Variants in DLGAP1 observed in about 807,000 individuals in gnomAD.
DLGAP1 encodes DLG associated protein 1.
DLGAP1 carries 11 observed loss-of-function variants against 90.8 expected under a neutral mutation model. That is an observed-to-expected ratio of 0.12 (90% CI 0.08 to 0.20). DLGAP1 has a LOEUF of 0.20. Ranked by LOEUF, DLGAP1 falls within the 10% of genes least tolerant of loss-of-function variation. DLGAP1 has a pLI of 1.00. For synonymous variants in DLGAP1, 558 were observed against 540.7 expected (o/e 1.03, Z -0.44); for missense variants, 1,050 against 1,333.8 (o/e 0.79, Z 3.31).
chr18:4,074,469 TA>T (rs967020069), intron 2 of DLGAP1, among the ~76,000 whole-genome samples: 13 of 152,122 alleles, frequency 8.5e-5, no homozygotes, highest in African/African-American at 3.1e-4. Flanking sequence ...AGATTTTCTG[TA>T]ATTTCAGCAT....
At chr18:4,427,872 A>T (rs572051813) in intron 1 of DLGAP1, among the ~76,000 whole-genome samples, 1 of 152,358 alleles carries the variant, frequency 6.6e-6, no homozygotes, top group South Asian at 2.1e-4. Context: ...AATAATGCTT[A>T]AAGTGACCTC....
intron 6 of DLGAP1, among the ~76,000 whole-genome samples, chr18:3,741,237 C>A (rs1235770401): frequency 2.4e-5 from 3 of 127,228 alleles, no homozygotes; most frequent in African/African-American, 6.4e-5. Context: ...ATCACCACCA[C>A]CACCATCACC....
rs114976049 is a variant in DLGAP1 at position 4,132,796 on chromosome 18, G to A, written c.-159+18384C>T. Among the ~76,000 whole-genome samples, 414 of 152,210 alleles carry A rather than the reference G, an allele frequency of 2.7e-3. 1 individual carries two copies. The highest frequency in any genetic ancestry group is 6.7e-3 in the African/African-American group (279 of 41,530). ...GGAATCAAGTAATTTCATTTGCTGC[G>A]TGCCATACATGTTGCTGGGTATTAC... On this transcript the variant is annotated intron_variant, in intron 2 of 12. Coordinates refer to ENST00000315677, the MANE Select transcript of DLGAP1 (RefSeq NM_004746.4).
intron 9 of DLGAP1, among the ~76,000 whole-genome samples, chr18:3,543,767 A>T (rs12970610): frequency 1.3e-5 from 2 of 152,004 alleles, no homozygotes; most frequent in Non-Finnish European, 1.5e-5. Context: ...GTTTCCAGGG[A>T]GTGGTCCCCA....
rs189974650 is a variant in DLGAP1, at chr18:3,749,751, T to C, written c.1173-7239A>G. Among the ~76,000 whole-genome samples, 332 of 152,300 alleles carry C rather than the reference T, an allele frequency of 2.2e-3. 2 individuals are homozygous for C. The highest frequency in any genetic ancestry group is 7.5e-3 in the African/African-American group (312 of 41,560). ...TTCCACAAGTACCAAAAAATTGTCA[T>C]GAACCCCAAATGAACACATACCTTT... On this transcript the variant is annotated intron_variant, in intron 5 of 12. Coordinates refer to ENST00000315677, the MANE Select transcript of DLGAP1 (RefSeq NM_004746.4).
At position 4,043,211 on chromosome 18, in the gene DLGAP1, G is replaced by T. The variant is rs77542822; in HGVS notation, c.-158-38010C>A. Among the ~76,000 whole-genome samples the T allele has an allele frequency of 7.3e-3, 1,111 of 152,216 alleles. 27 individuals carry two copies. In the East Asian group the frequency reaches 0.076, roughly 10 times the overall value. On this transcript the variant is annotated intron_variant, in intron 2 of 12. Coordinates refer to ENST00000315677, the MANE Select transcript of DLGAP1 (RefSeq NM_004746.4). Reference sequence around the variant, plus strand: ...AAATATAATTTCTATACTCAGTATAGGCAAAACAATCAAATTTAATTAACA... The same window carrying T: ...AAATATAATTTCTATACTCAGTATATGCAAAACAATCAAATTTAATTAACA...
At position 4,333,891 on chromosome 18, in the gene DLGAP1, C is replaced by T. The variant is rs527508365; in HGVS notation, c.-267+121115G>A. ...CCGGGACCACAGGCGTGAGCCACCG[C>T]GCCCGGCCATATTTTTAACTGAATG... is the stretch of plus-strand genomic sequence containing the variant. On this transcript the variant is annotated intron_variant, in intron 1 of 12. Transcript: ENST00000315677. Among the ~76,000 whole-genome samples the T allele has an allele frequency of 9.7e-4, 146 of 151,250 alleles. 3 individuals carry two copies. Among genetic ancestry groups the T allele is most frequent in the African/African-American group, 3.3e-3 (135 of 41,038 alleles).
At position 4,117,830 on chromosome 18, in the gene DLGAP1, C is replaced by T. The variant is rs534265071; in HGVS notation, c.-159+33350G>A. ...GCTTTCCTAGGAGTTGCCTCTGGGT[C>T]AGTTCAGCCAGCTGTGGTGAAGTTT... On this transcript the variant is annotated intron_variant, in intron 2 of 12. Coordinates refer to ENST00000315677, the MANE Select transcript of DLGAP1 (RefSeq NM_004746.4). 7.2e-5 allele frequency among the ~76,000 whole-genome samples: 11 copies of T among 152,260 alleles called. No individual in the cohort carries two copies. In the South Asian group the frequency reaches 2.3e-3, roughly 32 times the overall value.
intron 1 of DLGAP1, among the ~76,000 whole-genome samples, chr18:4,186,168 T>A (rs537011367): frequency 3.9e-4 from 59 of 152,188 alleles, no homozygotes; most frequent in Non-Finnish European, 7.2e-4. Context: ...GTATAGATGC[T>A]GGATTTTAGA....
At chr18:4,446,216 GTTC>G (rs1413469536) in intron 1 of DLGAP1, among the ~76,000 whole-genome samples, 2 of 152,142 alleles carry the variant, frequency 1.3e-5, no homozygotes, top group Non-Finnish European at 2.9e-5. Context: ...GGCCAACCAC[GTTC>G]TAGGCATACT....
intron 3 of DLGAP1, among the ~76,000 whole-genome samples, chr18:3,904,156 C>T (rs978548869): frequency 1.3e-5 from 2 of 152,136 alleles, no homozygotes; most frequent in Non-Finnish European, 2.9e-5. Flanking sequence ...GGGATAAATC[C>T]CCTAAGTAAC....
intron 5 of DLGAP1, among the ~76,000 whole-genome samples, chr18:3,773,175 G>A (rs564449934): frequency 6.6e-6 from 1 of 152,068 alleles, no homozygotes; most frequent in East Asian, 1.9e-4. Context: ...ACTGAAAAAA[G>A]GAAACCAGTT....
At chr18:3,922,620 G>A (rs894826857) in intron 3 of DLGAP1, among the ~76,000 whole-genome samples, 2 of 152,038 alleles carry the variant, frequency 1.3e-5, no homozygotes, top group Non-Finnish European at 2.9e-5. Flanking sequence ...TTTAATAGCT[G>A]CATATTATTT....
chr18:3,654,812 C>T (rs1290377189), intron 7 of DLGAP1: 2 of 152,322 alleles, frequency 1.3e-5, no homozygotes, highest in South Asian at 2.1e-4. Context: ...ACTTTCTCCT[C>T]GAGGTGAGAA....
intron 10 of DLGAP1, among the ~76,000 whole-genome samples, chr18:3,519,631 A>T (rs1474799185): frequency 6.6e-6 from 1 of 152,166 alleles, no homozygotes; most frequent in Non-Finnish European, 1.5e-5. Context: ...TTAGGAGGTG[A>T]TTAAGTCATG....
intron 2 of DLGAP1, among the ~76,000 whole-genome samples, chr18:4,107,984 C>CT (rs2075899969): frequency 6.6e-6 from 1 of 152,160 alleles, no homozygotes; most frequent in African/African-American, 2.4e-5. Flanking sequence ...AGCCCCTAGG[C>CT]ATACTGAGTA....
At chr18:3,617,737 T>C (rs1399591179) in intron 7 of DLGAP1, among the ~76,000 whole-genome samples, 3 of 151,554 alleles carry the variant, frequency 2.0e-5, no homozygotes, top group Non-Finnish European at 4.4e-5. Context: ...CAAGGCCTGA[T>C]AAAGAAAAGT....
chr18:4,273,288 C>T (rs1050558121), intron 1 of DLGAP1, among the ~76,000 whole-genome samples: 1 of 152,162 alleles, frequency 6.6e-6, no homozygotes, highest in Non-Finnish European at 1.5e-5. Context: ...TGCACCCTGC[C>T]TCTCCCGCTC....
At chr18:3,824,313 A>G (rs1428360715) in intron 4 of DLGAP1, among the ~76,000 whole-genome samples, 1 of 152,190 alleles carries the variant, frequency 6.6e-6, no homozygotes, top group African/African-American at 2.4e-5. Context: ...TGCTGCCAAT[A>G]GAAGCCCACA....
Sources: allele counts gnomAD v4.1 joint callset (sites outside exome capture counted in the v4.1 genomes callset), GRCh38; gene constraint gnomAD v4.1.1; transcripts MANE v1.5; gene names NCBI Gene and HGNC (gene_info 2026-07-23, HGNC 2026-07-21).